Variants in OVCH1 observed in about 807,000 individuals in gnomAD.
The protein encoded by OVCH1 is ovochymase 1, also known as ovochymase-1.
Under a neutral mutation model 138.4 loss-of-function variants are expected in OVCH1, and 139 were observed. The observed-to-expected ratio is 1.00, with a 90% CI of 0.87 to 1.16. The LOEUF (loss-of-function observed/expected upper bound fraction) is 1.16, where lower values mean the gene tolerates loss of function less well. Ranked by LOEUF, OVCH1 falls within the 50% of genes most tolerant of loss-of-function variation. OVCH1 has a pLI of 0.00. For synonymous variants in OVCH1, 453 were observed against 467.8 expected, an observed-to-expected ratio of 0.97 and a Z score of 0.41; for missense variants, 1,367 against 1,357.9, an observed-to-expected ratio of 1.01 and a Z score of -0.11.
At chr12:29,452,711 A>G (rs909732128) in intron 21 of OVCH1, among the ~76,000 whole-genome samples, 5 of 152,294 alleles carry the variant, frequency 3.3e-5, no homozygotes, top group African/African-American at 9.6e-5. Flanking sequence ...GAAATCACAT[A>G]CAGCCATGAA....
chr12:29,425,638 C>T (rs1221661481), downstream of OVCH1, among the ~76,000 whole-genome samples: 1 of 152,114 alleles, frequency 6.6e-6, no homozygotes, highest in Non-Finnish European at 1.5e-5. Flanking sequence ...AGTTTTGTGA[C>T]TTGCTTGTCT....
intron 4 of OVCH1, among the ~76,000 whole-genome samples, chr12:29,493,683 C>G (rs1049311904): frequency 3.3e-5 from 5 of 152,082 alleles, no homozygotes; most frequent in Non-Finnish European, 5.9e-5. Flanking sequence ...GTTTTACTGG[C>G]TTATTTTCAA....
At chr12:29,471,840 G>A in exon 16 of OVCH1, 1 of 1,612,754 alleles carries the variant, frequency 6.2e-7, no homozygotes, top group Non-Finnish European at 8.5e-7. Flanking sequence ...TCCACACTGG[G>A]TTGATGATGG....
In OVCH1 at chr12:29,428,295, G is replaced by A. The variant is rs78126712; in HGVS notation, c.3328-647C>T. Among the ~76,000 whole-genome samples, 273 of 152,284 alleles carry A rather than the reference G, an allele frequency of 1.8e-3. 1 individual carries two copies. Among genetic ancestry groups the A allele is most frequent in the Non-Finnish European group, 2.5e-3 (173 of 68,024 alleles). On this transcript the variant is annotated intron_variant, in intron 27 of 27. Coordinates refer to ENST00000318184, the Ensembl canonical transcript of OVCH1. ...CGTAAAATTGCTCTACTTCCTGACA[G>A]AAACCAATTCAGAACAAAGTCCATT...
chr12:29,486,475 CT>C (rs1943111170), intron 7 of OVCH1, 127 bp from the exon 8 acceptor site: 1 of 730,444 alleles, frequency 1.4e-6, no homozygotes, highest in African/African-American at 1.8e-5. Context: ...CAGAGGGAAT[CT>C]TTTCTCAGAG....
chr12:29,469,751 G>A (rs1426919666), intron 16 of OVCH1, among the ~76,000 whole-genome samples: 1 of 151,762 alleles, frequency 6.6e-6, no homozygotes, highest in Non-Finnish European at 1.5e-5. Context: ...GCATGTATCT[G>A]TAGTCCCAGC....
At chr12:29,435,782 C>T (rs1293567894) in intron 26 of OVCH1, among the ~76,000 whole-genome samples, 1 of 152,116 alleles carries the variant, frequency 6.6e-6, no homozygotes, top group Non-Finnish European at 1.5e-5. Context: ...AGGCAGGCTG[C>T]TAAATGGTTT....
At chr12:29,430,920 A>T (rs781688265) in intron 27 of OVCH1, 5 of 518,428 alleles carry the variant, frequency 9.6e-6, no homozygotes, top group Non-Finnish European at 1.9e-5. Flanking sequence ...CTGCCCTCCC[A>T]GAGTACCCCT....
In OVCH1 at chr12:29,478,839, A is replaced by C. The variant is rs371182932; in HGVS notation, c.1065T>G (p.Leu355=). 1.4e-5 allele frequency: 22 copies of C among 1,578,006 alleles called. 1 individual carries two copies. Among genetic ancestry groups the C allele is most frequent in the East Asian group, 2.3e-5 (1 of 43,034 alleles). ...AAACAAATGTAACATACTTACTAAA[A>C]AGCACTCCACTGCTTGATCGTAAAG... Residue 355 remains leucine, a synonymous_variant, in exon 9 of 28, where the codon CTT becomes CTG. Transcript: ENST00000318184.
chr12:29,488,474 C>T (rs895657151), intron 6 of OVCH1, among the ~76,000 whole-genome samples: 2 of 151,754 alleles, frequency 1.3e-5, no homozygotes, highest in South Asian at 2.1e-4. Flanking sequence ...AAAAAATTAG[C>T]TGGGCATGGT....
At chr12:29,478,949 T>C in intron 8 of OVCH1, 1 of 1,431,106 alleles carries the variant, frequency 7.0e-7, no homozygotes, top group Non-Finnish European at 9.5e-7. Context: ...TCTGGTACCA[T>C]TATTTTCCAA....
chr12:29,423,133 T>C (rs574992914), downstream of OVCH1: 1 of 430,040 alleles, frequency 2.3e-6, no homozygotes, highest in East Asian at 7.1e-5. Context: ...TTACCACTGA[T>C]AGGAAATTGG....
At chr12:29,418,080 G>A (rs1941056447) in intron 3 of OVCH1, among the ~76,000 whole-genome samples, 1 of 152,198 alleles carries the variant, frequency 6.6e-6, no homozygotes, top group Non-Finnish European at 1.5e-5. Flanking sequence ...AGTTCCCGCA[G>A]TATGTTTTCT....
At chr12:29,477,573 T>C (rs1942785840) in exon 10 of OVCH1, 1 of 1,613,780 alleles carries the variant, frequency 6.2e-7, no homozygotes. Flanking sequence ...ATGAGAGATC[T>C]CTGATCTAAA....
At chr12:29,490,150 A>G (rs756179066) in intron 5 of OVCH1, among the ~76,000 whole-genome samples, 1 of 152,028 alleles carries the variant, frequency 6.6e-6, no homozygotes, top group Non-Finnish European at 1.5e-5. Flanking sequence ...TGTAGCCTCA[A>G]CCTCCTGGGA....
chr12:29,410,058 T>G (rs975186718), downstream of OVCH1, among the ~76,000 whole-genome samples: 33 of 152,184 alleles, frequency 2.2e-4, no homozygotes, highest in Non-Finnish European at 4.3e-4. Context: ...TTTACCATTA[T>G]GTAATGGCCT....
At chr12:29,477,146 T>C in exon 12 of OVCH1, 1 of 1,613,226 alleles carries the variant, frequency 6.2e-7, no homozygotes, top group Non-Finnish European at 8.5e-7. Flanking sequence ...CAATGACACC[T>C]TGTGTTACTG....
chr12:29,427,157 T>G (rs1941193232), downstream of OVCH1, among the ~76,000 whole-genome samples: 2 of 152,220 alleles, frequency 1.3e-5, no homozygotes, highest in South Asian at 4.1e-4. Flanking sequence ...TTCTAGTCTG[T>G]CCTTGCTCAA....
chr12:29,439,450 A>G, intron 25 of OVCH1: 1 of 1,489,960 alleles, frequency 6.7e-7, no homozygotes. Flanking sequence ...ATGGTCTGAG[A>G]AAAACAAACA....
Sources: allele counts gnomAD v4.1 joint callset (sites outside exome capture counted in the v4.1 genomes callset), GRCh38; gene constraint gnomAD v4.1.1; transcripts MANE v1.5; gene names NCBI Gene and HGNC (gene_info 2026-07-23, HGNC 2026-07-21).